Variants in VTI1A observed in about 807,000 individuals in gnomAD.
VTI1A encodes the protein vesicle transport through interaction with t-SNAREs 1A.
In VTI1A, 22 loss-of-function variants were observed where a neutral mutation model predicts 34.9. That is an observed-to-expected ratio of 0.63 (90% CI 0.45 to 0.90). The LOEUF (loss-of-function observed/expected upper bound fraction) is 0.90. Among genes scored for constraint, VTI1A ranks in the 40% least tolerant of loss-of-function variants. The pLI is 0.00. For missense variants in VTI1A, 268 were observed against 275.6 expected (o/e 0.97, Z 0.20); for synonymous variants, 87 against 97.3 (o/e 0.89, Z 0.62).
At chr10:112,542,261 C>T (rs114894375) in intron 5 of VTI1A, among the ~76,000 whole-genome samples, 31 of 152,276 alleles carry the variant, frequency 2.0e-4, no homozygotes, top group African/African-American at 6.5e-4. Flanking sequence ...GCTTTTAATA[C>T]GTAAACAGGT....
chr10:112,590,639 G>A (rs1019014338), intron 5 of VTI1A, among the ~76,000 whole-genome samples: 6 of 151,954 alleles, frequency 3.9e-5, no homozygotes, highest in African/African-American at 4.8e-5. Context: ...CTGTGGTCAC[G>A]CCACTGCACT....
chr10:112,761,733 C>T (rs1851469798), intron 7 of VTI1A, among the ~76,000 whole-genome samples: 2 of 151,596 alleles, frequency 1.3e-5, no homozygotes, highest in African/African-American at 2.4e-5. Flanking sequence ...TGCTTGTTCT[C>T]TTTCCCTCCT....
At chr10:112,482,963 C>T (rs1272353499) in intron 3 of VTI1A, among the ~76,000 whole-genome samples, 1 of 151,866 alleles carries the variant, frequency 6.6e-6, no homozygotes, top group Non-Finnish European at 1.5e-5. Flanking sequence ...CTGTCACTGG[C>T]AAGTGACAAG....
intron 1 of VTI1A, among the ~76,000 whole-genome samples, chr10:112,454,247 A>G (rs528692412): frequency 2.0e-5 from 3 of 152,332 alleles, no homozygotes; most frequent in South Asian, 2.1e-4. Context: ...TGACACTTTA[A>G]TGAGGGTGTT....
intron 7 of VTI1A, among the ~76,000 whole-genome samples, chr10:112,751,440 T>A (rs1320272115): frequency 7.6e-6 from 1 of 132,368 alleles, no homozygotes; most frequent in Admixed American, 8.8e-5. Flanking sequence ...CCTAATCATG[T>A]AGAGGAAAGC....
intron 1 of VTI1A, among the ~76,000 whole-genome samples, chr10:112,457,850 C>A (rs926023930): frequency 6.6e-6 from 1 of 151,992 alleles, no homozygotes; most frequent in Non-Finnish European, 1.5e-5. Flanking sequence ...GATCAGGGTG[C>A]CATGGGAGCC....
At chr10:112,552,653 G>A (rs1035449930) in intron 5 of VTI1A, among the ~76,000 whole-genome samples, 1 of 151,790 alleles carries the variant, frequency 6.6e-6, no homozygotes, top group Non-Finnish European at 1.5e-5. Flanking sequence ...CATGAAGATG[G>A]ACCAAGTATC....
intron 7 of VTI1A, among the ~76,000 whole-genome samples, chr10:112,701,169 T>C (rs1341835601): frequency 1.3e-5 from 2 of 152,236 alleles, no homozygotes; most frequent in South Asian, 2.1e-4. Flanking sequence ...GCTATTTTTG[T>C]AGCTGGCTTT....
At chr10:112,608,111 C>T (rs972913152) in intron 5 of VTI1A, among the ~76,000 whole-genome samples, 2 of 152,164 alleles carry the variant, frequency 1.3e-5, no homozygotes, top group Non-Finnish European at 2.9e-5. Context: ...CTGGCTACCA[C>T]AGAACTCTAC....
At chr10:112,454,062 A>G (rs1016833313) in intron 1 of VTI1A, among the ~76,000 whole-genome samples, 1 of 152,226 alleles carries the variant, frequency 6.6e-6, no homozygotes, top group African/African-American at 2.4e-5. Context: ...TGACCATTCT[A>G]TACCATGTTA....
intron 5 of VTI1A, among the ~76,000 whole-genome samples, chr10:112,625,690 G>A (rs1428710052): frequency 1.3e-5 from 2 of 148,924 alleles, no homozygotes; most frequent in African/African-American, 5.0e-5. Context: ...TCATAAGTAG[G>A]AGCTAGGCTG....
rs572001765 is a variant in VTI1A at position 112,813,461 on chromosome 10, C to T, written c.561-1829C>T. On this transcript the variant is annotated intron_variant, in intron 7 of 7. Transcript: ENST00000393077. ...GCTGAGTTTCAATTTTGCTGATTTCCTTTGCAAGTCTGATGCGGGTGACTG... is the reference window on the plus strand; with the variant it reads ...GCTGAGTTTCAATTTTGCTGATTTCTTTTGCAAGTCTGATGCGGGTGACTG... Among the ~76,000 whole-genome samples the T allele has an allele frequency of 1.1e-4, 17 of 152,270 alleles. No homozygotes were observed. In the South Asian group the frequency reaches 3.5e-3, roughly 32 times the overall value.
intron 3 of VTI1A, among the ~76,000 whole-genome samples, chr10:112,520,632 T>C (rs1185420559): frequency 1.7e-5 from 2 of 119,586 alleles, no homozygotes; most frequent in African/African-American, 5.9e-5. Flanking sequence ...TGTGTGTGTG[T>C]GTGTGTGTGT....
intron 5 of VTI1A, among the ~76,000 whole-genome samples, chr10:112,627,110 C>G (rs553768775): frequency 6.6e-6 from 1 of 152,304 alleles, no homozygotes; most frequent in Non-Finnish European, 1.5e-5. Flanking sequence ...AAGATGAGCT[C>G]TTAAATGATG....
At chr10:112,646,746 G>A (rs566780125) in intron 5 of VTI1A, among the ~76,000 whole-genome samples, 3 of 152,082 alleles carry the variant, frequency 2.0e-5, no homozygotes, top group East Asian at 3.9e-4. Context: ...CGTGACCTCA[G>A]GTGATCCACC....
At chr10:112,846,078 C>T in the VTI1A span, among the ~76,000 whole-genome samples, 1 of 152,094 alleles carries the variant, frequency 6.6e-6, no homozygotes, top group Non-Finnish European at 1.5e-5. Context: ...GAAGAGGGCT[C>T]GAGGCAGAGC....
chr10:112,684,243 T>TTC (rs1848321747), intron 7 of VTI1A, among the ~76,000 whole-genome samples: 1 of 152,164 alleles, frequency 6.6e-6, no homozygotes. Context: ...GGAAAGTGTT[T>TTC]TCCCATGCCA....
rs141437009 is a variant in VTI1A at position 112,650,749 on chromosome 10, T to C, written c.428-17469T>C. 4.0e-3 allele frequency among the ~76,000 whole-genome samples: 604 copies of C among 152,344 alleles called. 2 individuals carry two copies. Among genetic ancestry groups the C allele is most frequent in the African/African-American group, 0.014 (566 of 41,580 alleles). On this transcript the variant is annotated intron_variant, in intron 5 of 7. Coordinates refer to ENST00000393077, the MANE Select transcript of VTI1A (RefSeq NM_145206.4). ...ATAATCTTTTGGGGCCACTGTCCTATACGTAGTCCCTCGTTGACCAAAACA... is the reference window on the plus strand; with the variant it reads ...ATAATCTTTTGGGGCCACTGTCCTACACGTAGTCCCTCGTTGACCAAAACA...
intron 3 of VTI1A, among the ~76,000 whole-genome samples, chr10:112,526,138 A>T (rs1218663340): frequency 6.6e-6 from 1 of 152,210 alleles, no homozygotes; most frequent in East Asian, 1.9e-4. Context: ...TGAAATAGTG[A>T]CGCTGAAGTG....
Sources: allele counts gnomAD v4.1 joint callset (sites outside exome capture counted in the v4.1 genomes callset), GRCh38; gene constraint gnomAD v4.1.1; transcripts MANE v1.5; gene names NCBI Gene and HGNC (gene_info 2026-07-23, HGNC 2026-07-21).